Variants in RHOBTB1 observed in about 807,000 individuals in gnomAD.
RHOBTB1 encodes Rho related BTB domain containing 1.
In RHOBTB1, 40 loss-of-function variants were observed where a neutral mutation model predicts 71.6. The ratio of observed to expected loss-of-function variants is 0.56; its 90% confidence interval spans 0.43 to 0.73. RHOBTB1 has a LOEUF of 0.73. RHOBTB1 is among the 30% of genes least tolerant of loss of function. The probability of loss-of-function intolerance (pLI) is 0.00; values close to 1 mark genes in which losing one functional copy is unlikely to be tolerated. For missense variants in RHOBTB1, 797 were observed against 894.0 expected (o/e 0.89, Z 1.38); for synonymous variants, 319 against 334.9 (o/e 0.95, Z 0.52).
intron 2 of RHOBTB1, among the ~76,000 whole-genome samples, chr10:60,914,400 G>A (rs1564937719): frequency 6.6e-6 from 1 of 152,192 alleles, no homozygotes; most frequent in Non-Finnish European, 1.5e-5. Flanking sequence ...CCCAACTTTG[G>A]AAATGGAGGT....
At chr10:60,970,589 CTT>C (rs2086119362) in intron 2 of RHOBTB1, among the ~76,000 whole-genome samples, 1 of 152,008 alleles carries the variant, frequency 6.6e-6, no homozygotes, top group Non-Finnish European at 1.5e-5. Context: ...CACTATGAAA[CTT>C]TAGAATCATT....
intron 2 of RHOBTB1, among the ~76,000 whole-genome samples, chr10:60,913,398 G>A (rs190489214): frequency 4.6e-5 from 7 of 152,288 alleles, no homozygotes; most frequent in Admixed American, 3.3e-4. Flanking sequence ...TGAACATCCT[G>A]GGTGGGGAAA....
chr10:60,991,412 G>A (rs551769122), intron 1 of RHOBTB1, among the ~76,000 whole-genome samples: 3 of 149,868 alleles, frequency 2.0e-5, no homozygotes, highest in Admixed American at 6.7e-5. Flanking sequence ...ACTCCAGACA[G>A]TGTGGCCTTC....
chr10:60,930,951 T>TC (rs1331695449), intron 2 of RHOBTB1, among the ~76,000 whole-genome samples: 3 of 152,230 alleles, frequency 2.0e-5, no homozygotes, highest in East Asian at 3.9e-4. Context: ...AATATGTGAC[T>TC]ATTTAACATT....
chr10:60,950,651 C>G (rs1005743845), intron 2 of RHOBTB1, among the ~76,000 whole-genome samples: 1 of 152,148 alleles, frequency 6.6e-6, no homozygotes, highest in African/African-American at 2.4e-5. Context: ...TCCAAAAAGT[C>G]CTTAAGGTGA....
At chr10:60,902,688 A>C (rs1257868926) in intron 4 of RHOBTB1, among the ~76,000 whole-genome samples, 1 of 152,154 alleles carries the variant, frequency 6.6e-6, no homozygotes, top group Admixed American at 6.5e-5. Flanking sequence ...CTAATTCACT[A>C]AGGAGAGGCT....
Position 60,888,654 on chromosome 10 carries a change from A to G in RHOBTB1, c.1014T>C (p.Pro338=). 1 of 1,614,186 alleles carries G rather than the reference A, an allele frequency of 6.2e-7. No homozygotes were observed. The highest frequency in any genetic ancestry group is 8.5e-7 in the Non-Finnish European group (1 of 1,180,030). ...DPEEEREEGP[P]RIPQADQWKS... ...TCCACTGGTCGGCCTGAGGAATCCT[A>G]GGCGGGCCCTCCTCCCTTTCTTCCT... The change falls in exon 6 of 11, where the codon CCT becomes CCC. Residue 338 remains proline (P), a synonymous_variant. Coordinates refer to ENST00000337910, the MANE Select transcript of RHOBTB1 (RefSeq NM_014836.5).
In RHOBTB1 at chr10:60,878,065, T is replaced by C; in HGVS notation, c.1576-7A>G. 1.9e-6 allele frequency: 3 copies of C among 1,607,248 alleles called. No homozygotes were observed. The East Asian group carries it at 6.7e-5, about 36-fold the overall frequency. On this transcript the variant is annotated splice_region_variant and splice_polypyrimidine_tract_variant and intron_variant, in intron 7 of 10. Transcript: ENST00000337910. ...TTATGTTCGGGAGATACACCTGAAA[T>C]GTTATACAAAAAGCTAAATTCTGCT...
At chr10:60,955,154 C>G (rs1052376592) in intron 2 of RHOBTB1, among the ~76,000 whole-genome samples, 1 of 150,726 alleles carries the variant, frequency 6.6e-6, no homozygotes, top group Non-Finnish European at 1.5e-5. Flanking sequence ...AAGCGATCCT[C>G]CTGCTTCAGC....
At chr10:60,939,658 C>T (rs1257886813) in intron 2 of RHOBTB1, among the ~76,000 whole-genome samples, 1 of 152,156 alleles carries the variant, frequency 6.6e-6, no homozygotes, top group Non-Finnish European at 1.5e-5. Flanking sequence ...ATTCAAATCA[C>T]CTATGCTCTT....
At chr10:60,882,615 G>A (rs1418678614) in intron 7 of RHOBTB1, among the ~76,000 whole-genome samples, 1 of 151,940 alleles carries the variant, frequency 6.6e-6, no homozygotes, top group Non-Finnish European at 1.5e-5. Context: ...TTTTCATGGT[G>A]TGGGGGGTGG....
chr10:60,888,538 C>T lies in RHOBTB1; in HGVS notation c.1130G>A (p.Gly377Glu). 2 of 1,614,180 alleles carry T rather than the reference C, an allele frequency of 1.2e-6. No homozygotes were observed. Among genetic ancestry groups the T allele is most frequent in the Non-Finnish European group, 1.7e-6 (2 of 1,180,030 alleles). Residue 377 changes from glycine (G) to glutamate (E), a missense_variant, in exon 6 of 11, where the codon GGG becomes GAG. Gly to Glu is a moderately conservative substitution (Grantham distance 98, BLOSUM62 -2). Transcript: ENST00000337910. The part of the protein sequence containing the change: ...ETQTLTGWSK[G>E]FIGMHREMQV... ...CATTTCCCTGTGCATGCCAATGAACCCCTTACTCCATCCGGTCAAAGTCTG... is the reference window on the plus strand; with the variant it reads ...CATTTCCCTGTGCATGCCAATGAACTCCTTACTCCATCCGGTCAAAGTCTG...
At chr10:60,911,578 G>A (rs1490138395) in intron 2 of RHOBTB1, 26 bp from the exon 3 acceptor site, 3 of 1,579,582 alleles carry the variant, frequency 1.9e-6, no homozygotes, top group Non-Finnish European at 2.6e-6. Flanking sequence ...GAACACCACA[G>A]TAAGGACACC....
At chr10:60,934,524 T>C (rs1285105614) in intron 2 of RHOBTB1, among the ~76,000 whole-genome samples, 1 of 152,200 alleles carries the variant, frequency 6.6e-6, no homozygotes, top group East Asian at 1.9e-4. Context: ...GAGATTTCAG[T>C]AGTCATGTCA....
chr10:60,901,966 C>G (rs1367499321), intron 4 of RHOBTB1, among the ~76,000 whole-genome samples: 1 of 152,222 alleles, frequency 6.6e-6, no homozygotes, highest in Non-Finnish European at 1.5e-5. Flanking sequence ...CAGCCAAAAT[C>G]CTTCCTGGCC....
At chr10:60,990,871 T>A (rs559292152) in intron 1 of RHOBTB1, among the ~76,000 whole-genome samples, 2 of 152,224 alleles carry the variant, frequency 1.3e-5, no homozygotes, top group Non-Finnish European at 2.9e-5. Flanking sequence ...CCCACACCCA[T>A]AATCCAATGT....
At chr10:60,878,140 T>A (rs1386679749) in intron 7 of RHOBTB1, 82 bp from the exon 8 acceptor site, 23 of 1,131,220 alleles carry the variant, frequency 2.0e-5, no homozygotes, top group Non-Finnish European at 2.9e-5. Flanking sequence ...CTTATAAATA[T>A]CCTGTGTGAC....
At chr10:60,929,929 A>G (rs1333181614) in intron 2 of RHOBTB1, among the ~76,000 whole-genome samples, 4 of 152,310 alleles carry the variant, frequency 2.6e-5, no homozygotes, top group South Asian at 2.1e-4. Flanking sequence ...TGTTCTTGGC[A>G]CATTTAAAAA....
At chr10:60,916,400 G>A (rs980508305) in intron 2 of RHOBTB1, among the ~76,000 whole-genome samples, 1 of 152,160 alleles carries the variant, frequency 6.6e-6, no homozygotes, top group Non-Finnish European at 1.5e-5. Flanking sequence ...GTTTATGAAT[G>A]AGCCCAGGTG....
Sources: gnomAD v4.1 joint callset for allele counts (sites outside exome capture counted in the v4.1 genomes callset) on GRCh38, gnomAD v4.1.1 for gene constraint, MANE v1.5 for transcripts, NCBI Gene and HGNC (gene_info 2026-07-23, HGNC 2026-07-21) for gene names.